The following ASB11 variants were observed in gnomAD, a reference collection of about 807,000 sequenced individuals.
ASB11 encodes ankyrin repeat and SOCS box protein 11.
Under a neutral mutation model 20.1 loss-of-function variants are expected in ASB11, and 17 were observed. That is an observed-to-expected ratio of 0.85 (90% CI 0.58 to 1.27). The LOEUF (loss-of-function observed/expected upper bound fraction) is 1.27, where lower values mean the gene tolerates loss of function less well. ASB11 is among the 50% of genes most tolerant of loss of function. The probability of loss-of-function intolerance (pLI) is 0.00; values close to 1 mark genes in which losing one functional copy is unlikely to be tolerated. For missense variants in ASB11, 259 were observed against 256.9 expected (o/e 1.01, Z -0.06); for synonymous variants, 107 against 105.6 (o/e 1.01, Z -0.08).
In ASB11 at chrX:15,293,295, G is replaced by T; in HGVS notation, c.395C>A (p.Ala132Asp). The change falls in exon 4 of 7, where the codon GCC becomes GAC. Residue 132 changes from alanine to aspartate, a missense_variant. By Grantham distance (126) the Ala-to-Asp change is moderately radical. Transcript: ENST00000480796. ...AHVNGVTVHG[A>D]TPLFNACCSG... ...GCAGCAAGCATTGAAGAGGGGTGTG[G>T]CTCCGTGAACTGTCACTCCATTGAC... is the stretch of plus-strand genomic sequence containing the variant. 8.3e-7 allele frequency: 1 copy of T among 1,210,032 alleles called. No homozygotes were observed. The highest frequency in any genetic ancestry group is 3.0e-5 in the East Asian group (1 of 33,773).
intron 1 of ASB11, among the ~76,000 whole-genome samples, chrX:15,305,819 C>G (rs1200190687): frequency 9.0e-6 from 1 of 111,297 alleles, no homozygotes; most frequent in Non-Finnish European, 1.9e-5. Flanking sequence ...CAGGTTTGTT[C>G]CATAGGTAAA....
intron 1 of ASB11, 113 bp downstream of exon 1, chrX:15,315,312 T>C (rs1421825995): frequency 6.6e-5 from 43 of 652,326 alleles, no homozygotes; most frequent in Non-Finnish European, 8.8e-5. Flanking sequence ...TTTTTCAAAC[T>C]ACCCACTTAA....
At chrX:15,290,232 G>A (rs770107080) in intron 4 of ASB11, among the ~76,000 whole-genome samples, 2 of 110,659 alleles carry the variant, frequency 1.8e-5, no homozygotes, top group Non-Finnish European at 3.8e-5. Context: ...TAGCACAGTT[G>A]AAATCACTCT....
At position 15,315,325 on chromosome X, in the gene ASB11, T is replaced by A. The variant is rs777236701; in HGVS notation, c.181+100A>T. The A allele has an allele frequency of 5.8e-3, 4,443 of 760,049 alleles. 9 individuals carry two copies. Among genetic ancestry groups the A allele is most frequent in the Non-Finnish European group, 7.2e-3 (4,079 of 569,602 alleles). 62.6% of individuals were successfully genotyped at this position (760,049 alleles called of 1,213,427 possible). A position where few individuals can be genotyped will look rare whatever the true frequency, so the allele number is the denominator to read the frequency against. On this transcript the variant is annotated intron_variant, in intron 1 of 6. Transcript: ENST00000480796. ...AATTTTTCAAACTACCCACTTAAAA[T>A]CAAAGTATAAATATAATCTGCCTTC...
intron 6 of ASB11, among the ~76,000 whole-genome samples, chrX:15,283,985 G>T (rs912505806): frequency 9.0e-6 from 1 of 111,124 alleles, no homozygotes; most frequent in Non-Finnish European, 1.9e-5. Context: ...AGGCACGGTG[G>T]CTCACGCCTG....
intron 1 of ASB11, among the ~76,000 whole-genome samples, chrX:15,306,037 T>A (rs751388058): frequency 8.9e-6 from 1 of 112,199 alleles, no homozygotes; most frequent in East Asian, 2.8e-4. Context: ...TGGTTTTCTG[T>A]TCCTGTTAGT....
intron 1 of ASB11, 92 bp downstream of exon 1, chrX:15,315,333 T>C (rs981037599): frequency 6.2e-6 from 5 of 804,674 alleles, no homozygotes; most frequent in Non-Finnish European, 8.3e-6. Context: ...AATCAAAGTA[T>C]AAATATAATC....
intron 3 of ASB11, among the ~76,000 whole-genome samples, chrX:15,293,947 C>T (rs1315877902): frequency 9.1e-6 from 1 of 109,916 alleles, no homozygotes; most frequent in Non-Finnish European, 1.9e-5. Context: ...ATGGGTGCAG[C>T]ACACCAACAT....
intron 6 of ASB11, among the ~76,000 whole-genome samples, chrX:15,285,372 C>A (rs1927353894): frequency 9.2e-6 from 1 of 109,044 alleles, no homozygotes; most frequent in Non-Finnish European, 1.9e-5. Flanking sequence ...AACTCCTGAC[C>A]TCATGGTCTA....
At chrX:15,313,847 C>G (rs1332126992) in intron 1 of ASB11, among the ~76,000 whole-genome samples, 2 of 110,614 alleles carry the variant, frequency 1.8e-5, no homozygotes, top group Admixed American at 9.6e-5. Context: ...GTCAGGAGTT[C>G]AAGACCAGCC....
chrX:15,309,288 C>T (rs1921345308), intron 1 of ASB11, among the ~76,000 whole-genome samples: 1 of 108,417 alleles, frequency 9.2e-6, no homozygotes, highest in African/African-American at 3.4e-5. Context: ...GTCAGATCAT[C>T]AGTGGCACTA....
intron 6 of ASB11, among the ~76,000 whole-genome samples, chrX:15,284,352 C>A (rs945647800): frequency 1.7e-4 from 19 of 110,745 alleles, no homozygotes; most frequent in African/African-American, 5.9e-4. Flanking sequence ...CAAGACACAG[C>A]CACAGAACAG....
chrX:15,298,090 AG>A (rs1329988819), intron 2 of ASB11, among the ~76,000 whole-genome samples: 1 of 112,090 alleles, frequency 8.9e-6, no homozygotes, highest in Non-Finnish European at 1.9e-5. Context: ...CTCTTCTCCC[AG>A]AGCCTACTGG....
At chrX:15,307,474 T>C (rs1324235827) in intron 1 of ASB11, among the ~76,000 whole-genome samples, 1 of 112,385 alleles carries the variant, frequency 8.9e-6, no homozygotes, top group Non-Finnish European at 1.9e-5. Flanking sequence ...TCTAGGTCCC[T>C]TGCATGTGCA....
In ASB11 at chrX:15,283,627, G is replaced by C; in HGVS notation, c.850C>G (p.Pro284Ala). Residue 284 changes from proline (P) to alanine (A), a missense_variant and splice_region_variant, in exon 7 of 7, where the codon CCA becomes GCA. By Grantham distance (27) the Pro-to-Ala change is conservative (BLOSUM62 -1). Coordinates refer to ENST00000480796, the MANE Select transcript of ASB11 (RefSeq NM_080873.3). Reference protein sequence around the residue: ...VEQALLLREGPPALSQLCRLC... With the variant: ...VEQALLLREGAPALSQLCRLC... The stretch of plus-strand genomic sequence containing the variant: ...CGGCAGAGCTGGGAAAGAGCAGGTG[G>C]GCCTGAGAGAGAAATAAAAATGGTG... The C allele has an allele frequency of 8.3e-7, 1 of 1,209,717 alleles. No individual in the cohort carries two copies. Among genetic ancestry groups the C allele is most frequent in the Non-Finnish European group, 1.1e-6 (1 of 894,215 alleles).
At chrX:15,286,574 A>G (rs572974986) in intron 6 of ASB11, among the ~76,000 whole-genome samples, 1 of 107,491 alleles carries the variant, frequency 9.3e-6, no homozygotes, top group African/African-American at 3.4e-5. Context: ...CTGAGGCAGA[A>G]AAATCGCTTG....
intron 4 of ASB11, 151 bp from the exon 5 acceptor site, chrX:15,289,789 T>C (rs1023180295): frequency 3.3e-6 from 2 of 612,320 alleles, no homozygotes; most frequent in Non-Finnish European, 2.4e-6. Flanking sequence ...TTTGGGAGGC[T>C]GAGACCGGCG....
At chrX:15,313,688 C>T (rs770294715) in intron 1 of ASB11, among the ~76,000 whole-genome samples, 84 of 111,676 alleles carry the variant, frequency 7.5e-4, no homozygotes, top group African/African-American at 2.3e-3. Flanking sequence ...ATTTGTATTC[C>T]AGCTCCAGAT....
chrX:15,301,214 T>C (rs5935938), intron 2 of ASB11, among the ~76,000 whole-genome samples: 40,473 of 110,521 alleles, frequency 0.37, 5,383 homozygotes, highest in South Asian at 0.57. Context: ...CCACCCACCT[T>C]GGCCTCCTAA....
Sources: gnomAD v4.1 joint callset for allele counts (sites outside exome capture counted in the v4.1 genomes callset) on GRCh38, gnomAD v4.1.1 for gene constraint, MANE v1.5 for transcripts, NCBI Gene and HGNC (gene_info 2026-07-23, HGNC 2026-07-21) for gene names.